ZNF521: variants seen among roughly 807,000 people sequenced by gnomAD.
ZNF521 encodes zinc finger protein 521, also known as LYST-interacting protein 3.
In ZNF521, 14 loss-of-function variants were observed where a neutral mutation model predicts 105.5. The ratio of observed to expected loss-of-function variants is 0.13; its 90% confidence interval spans 0.09 to 0.21. The LOEUF is 0.21. ZNF521 is among the 10% of genes least tolerant of loss of function. The pLI is 1.00. For missense variants in ZNF521, 1,233 were observed against 1,629.7 expected, an observed-to-expected ratio of 0.76 and a Z score of 4.19; for synonymous variants, 635 against 606.0, an observed-to-expected ratio of 1.05 and a Z score of -0.70.
intron 5 of ZNF521, among the ~76,000 whole-genome samples, chr18:25,096,004 C>G (rs765993901): frequency 8.5e-5 from 13 of 152,134 alleles, no homozygotes; most frequent in Non-Finnish European, 1.9e-4. Flanking sequence ...AACTTCCTGT[C>G]TTGGTCACCC....
intron 5 of ZNF521, among the ~76,000 whole-genome samples, chr18:25,145,585 T>C (rs900748982): frequency 2.0e-4 from 30 of 152,188 alleles, no homozygotes; most frequent in Non-Finnish European, 1.5e-5. Flanking sequence ...GACTTAAGCT[T>C]GGGTCTGTCA....
At chr18:25,206,258 T>A (rs2036078151) in intron 4 of ZNF521, among the ~76,000 whole-genome samples, 1 of 152,128 alleles carries the variant, frequency 6.6e-6, no homozygotes, top group South Asian at 2.1e-4. Flanking sequence ...TCCGCCCACT[T>A]TGGCCTCTCA....
intron 3 of ZNF521, among the ~76,000 whole-genome samples, chr18:25,313,047 T>C (rs1454579443): frequency 2.0e-5 from 3 of 152,072 alleles, no homozygotes; most frequent in Non-Finnish European, 4.4e-5. Flanking sequence ...ACAGGGTACA[T>C]TATCGTGCAG....
chr18:25,332,654 T>A (rs1913643809), intron 2 of ZNF521, among the ~76,000 whole-genome samples: 2 of 152,220 alleles, frequency 1.3e-5, no homozygotes, highest in Non-Finnish European at 2.9e-5. Flanking sequence ...TTAAATTTTT[T>A]AACTGCACTT....
intron 4 of ZNF521, among the ~76,000 whole-genome samples, chr18:25,199,864 T>A (rs1449129319): frequency 6.6e-6 from 1 of 152,066 alleles, no homozygotes; most frequent in Non-Finnish European, 1.5e-5. Context: ...AAGTTTTTGT[T>A]TTTGTTTTTT....
At chr18:25,177,867 C>T (rs1311344896) in intron 5 of ZNF521, among the ~76,000 whole-genome samples, 1 of 152,162 alleles carries the variant, frequency 6.6e-6, no homozygotes. Flanking sequence ...GGCCATTGTT[C>T]CTCGTGGATT....
At chr18:25,260,962 T>C (rs989870237) in intron 3 of ZNF521, among the ~76,000 whole-genome samples, 1 of 152,160 alleles carries the variant, frequency 6.6e-6, no homozygotes, top group Non-Finnish European at 1.5e-5. Flanking sequence ...CAGAGTAAAA[T>C]ACGAAAACCT....
chr18:25,062,806 CTTCA>C lies in ZNF521; in HGVS notation c.3907-69_3907-66del. 7.8e-6 allele frequency: 10 copies of C among 1,277,228 alleles called. No homozygotes were observed. In the East Asian group the frequency reaches 1.2e-4, roughly 15 times the overall value. The allele number at this position is 1,277,228 out of a possible 1,614,324, so 79.1% of individuals were successfully genotyped here. A position where few individuals can be genotyped will look rare whatever the true frequency, so the allele number is the denominator to read the frequency against. Reference sequence around the variant, plus strand: ...AAAAAGAGAAGAGAGGGAAAACAAACTTCAGTGATTTCATTTTCATCAGACCAAG... The same window carrying C: ...AAAAAGAGAAGAGAGGGAAAACAAACGTGATTTCATTTTCATCAGACCAAG... On this transcript the variant is annotated intron_variant, in intron 7 of 7. Coordinates refer to ENST00000361524, the MANE Select transcript of ZNF521 (RefSeq NM_015461.3).
At chr18:25,333,614 A>G (rs1159763664) in intron 2 of ZNF521, among the ~76,000 whole-genome samples, 3 of 152,114 alleles carry the variant, frequency 2.0e-5, no homozygotes, top group Admixed American at 2.0e-4. Context: ...GTCATGCCCA[A>G]TTGCCTCCAC....
intron 3 of ZNF521, among the ~76,000 whole-genome samples, chr18:25,288,927 T>C (rs1292187908): frequency 1.3e-5 from 2 of 152,252 alleles, no homozygotes; most frequent in African/African-American, 4.8e-5. Context: ...ATGCTGCCAT[T>C]AACAAAATAA....
chr18:25,338,527 G>A (rs935474785), intron 2 of ZNF521, among the ~76,000 whole-genome samples: 1 of 151,660 alleles, frequency 6.6e-6, no homozygotes, highest in African/African-American at 2.4e-5. Flanking sequence ...ATCTTCCCAC[G>A]TCAGCCTCCC....
intron 3 of ZNF521, among the ~76,000 whole-genome samples, chr18:25,310,042 T>G (rs923602130): frequency 6.6e-6 from 1 of 152,176 alleles, no homozygotes; most frequent in Non-Finnish European, 1.5e-5. Flanking sequence ...ATTTTCTGCT[T>G]TTATAACCAG....
intron 3 of ZNF521, among the ~76,000 whole-genome samples, chr18:25,282,844 G>C (rs963815452): frequency 2.6e-5 from 4 of 152,040 alleles, no homozygotes; most frequent in African/African-American, 9.7e-5. Context: ...GCACTTTCCA[G>C]ACTGACAAGG....
intron 3 of ZNF521, among the ~76,000 whole-genome samples, chr18:25,285,708 A>ATT (rs1910665079): frequency 2.7e-5 from 4 of 148,196 alleles, no homozygotes; most frequent in African/African-American, 1.1e-4. Flanking sequence ...TCACACACAC[A>ATT]CACACACACA....
chr18:25,271,258 G>A lies in ZNF521; in HGVS notation c.221-43561C>T, dbSNP rs185120373. ...CAAGAACTATAAACCACTGCTCAAG[G>A]AAATAAGAGAGGACATAAACAAATG... is the stretch of plus-strand genomic sequence containing the variant. On this transcript the variant is annotated intron_variant, in intron 3 of 7. Coordinates refer to ENST00000361524, the MANE Select transcript of ZNF521 (RefSeq NM_015461.3). Among the ~76,000 whole-genome samples, 1,131 of 152,268 alleles carry A rather than the reference G, an allele frequency of 7.4e-3. 9 individuals carry two copies. Among genetic ancestry groups the A allele is most frequent in the Non-Finnish European group, 0.01 (709 of 68,014 alleles).
At chr18:25,141,495 C>G (rs1020140553) in intron 5 of ZNF521, among the ~76,000 whole-genome samples, 2 of 152,140 alleles carry the variant, frequency 1.3e-5, no homozygotes, top group Non-Finnish European at 2.9e-5. Flanking sequence ...TTCTAGAGTT[C>G]CCTTAGTGGT....
chr18:25,163,476 C>A (rs544158878), intron 5 of ZNF521, among the ~76,000 whole-genome samples: 17 of 152,300 alleles, frequency 1.1e-4, no homozygotes, highest in Non-Finnish European at 2.1e-4. Flanking sequence ...ACACCATCCC[C>A]TGCAGTGTGT....
chr18:25,241,239 G>T (rs1025490783), intron 3 of ZNF521, among the ~76,000 whole-genome samples: 1 of 152,114 alleles, frequency 6.6e-6, no homozygotes, highest in Non-Finnish European at 1.5e-5. Flanking sequence ...TCGTCCAAAC[G>T]GTTTCACCTC....
intron 3 of ZNF521, among the ~76,000 whole-genome samples, chr18:25,261,653 G>A (rs1908917117): frequency 6.7e-6 from 1 of 150,172 alleles, no homozygotes; most frequent in African/African-American, 2.5e-5. Context: ...TTCTCTCTGT[G>A]TATATGCTTT....
Sources: allele counts gnomAD v4.1 joint callset (sites outside exome capture counted in the v4.1 genomes callset), GRCh38; gene constraint gnomAD v4.1.1; transcripts MANE v1.5; gene names NCBI Gene and HGNC (gene_info 2026-07-23, HGNC 2026-07-21).